SI: variants seen among roughly 807,000 people sequenced by gnomAD.
SI encodes sucrase-isomaltase, intestinal.
A neutral mutation model predicts 253.3 loss-of-function variants in SI; 235 were observed. The ratio of observed to expected loss-of-function variants is 0.93; its 90% CI spans 0.83 to 1.03. SI has a LOEUF of 1.03. Among genes scored for constraint, SI ranks in the 50% least tolerant of loss-of-function variants. SI has a pLI of 0.00. For missense variants in SI, 2,442 were observed against 2,211.1 expected (o/e 1.10, Z -2.09); for synonymous variants, 819 against 712.0 (o/e 1.15, Z -2.39).
At position 165,063,515 on chromosome 3, in the gene SI, T is replaced by A; in HGVS notation, c.834A>T (p.Gln278His). Residue 278 changes from glutamine (Q) to histidine (H), a missense_variant, in exon 8 of 48, where the codon CAA becomes CAT. Coordinates refer to ENST00000264382, the MANE Select transcript of SI (RefSeq NM_001041.4). Reference sequence around the variant, plus strand: ...TATCTTCAATACACATAAAGAATGTTTGATGGCCGTATAAATTATTATTAT... The same window carrying A: ...TATCTTCAATACACATAAAGAATGTATGATGGCCGTATAAATTATTATTAT... ...GDNNNNLYGH[Q>H]TFFMCIEDTS... is the part of the protein sequence containing the mutation. 6.5e-7 allele frequency: 1 copy of A among 1,540,648 alleles called. No homozygotes were observed. The highest frequency in any genetic ancestry group is 8.9e-7 in the Non-Finnish European group (1 of 1,121,472).
intron 3 of SI, among the ~76,000 whole-genome samples, chr3:165,073,879 T>C (rs1032167371): frequency 1.3e-5 from 2 of 152,090 alleles, no homozygotes; most frequent in African/African-American, 4.8e-5. Context: ...GCCATTTTAT[T>C]TGAGAGATTT....
At chr3:165,072,941 T>C (rs188669416) in intron 3 of SI, among the ~76,000 whole-genome samples, 5 of 152,288 alleles carry the variant, frequency 3.3e-5, no homozygotes, top group Admixed American at 2.6e-4. Context: ...GTTGTATTTT[T>C]ATAAATAACA....
chr3:165,034,453 TTTGA>T (rs1252901447), intron 22 of SI, among the ~76,000 whole-genome samples: 1 of 151,932 alleles, frequency 6.6e-6, no homozygotes, highest in South Asian at 2.1e-4. Flanking sequence ...CTCAACATTG[TTTGA>T]TTGATGACTA....
chr3:165,001,102 T>C (rs1374928028), intron 37 of SI, among the ~76,000 whole-genome samples: 1 of 151,322 alleles, frequency 6.6e-6, no homozygotes, highest in South Asian at 2.1e-4. Context: ...ATTTTAGTCA[T>C]AGTTTCTAAA....
chr3:165,053,245 A>G (rs1713522039), intron 13 of SI, among the ~76,000 whole-genome samples: 1 of 152,056 alleles, frequency 6.6e-6, no homozygotes, highest in South Asian at 2.1e-4. Context: ...AATTAAGCTC[A>G]CATCATTTCC....
intron 13 of SI, among the ~76,000 whole-genome samples, chr3:165,053,526 A>C (rs932468989): frequency 1.8e-4 from 28 of 152,134 alleles, no homozygotes; most frequent in Non-Finnish European, 4.0e-4. Context: ...ATATTAGTTC[A>C]CTGATGTTCA....
rs1290802571 is a variant in SI, at chr3:165,046,881, A to T, written c.1847T>A (p.Ile616Lys). The change falls in exon 16 of 48, where the codon ATA becomes AAA. Residue 616 changes from isoleucine (I) to lysine (K), a missense_variant. Ile to Lys is a moderately radical substitution (Grantham distance 102). Transcript: ENST00000264382. The part of the protein sequence containing the change: ...TASWEQMEWS[I>K]TGMLEFSLFG... ...CAAACTGAACTCCAGCATTCCAGTT[A>T]TAGACCATTCCATTTGTTCCCATGA... The T allele has an allele frequency of 6.2e-7, 1 of 1,613,358 alleles. No individual in the cohort carries two copies. Among genetic ancestry groups the T allele is most frequent in the South Asian group, 1.1e-5 (1 of 91,018 alleles).
chr3:165,086,765 T>A, the SI span, among the ~76,000 whole-genome samples: 1 of 152,190 alleles, frequency 6.6e-6, no homozygotes, highest in South Asian at 2.1e-4. Context: ...TTGAAGCAGA[T>A]GGGCATTAAT....
At chr3:165,009,021 G>T (rs1310109290) in intron 35 of SI, among the ~76,000 whole-genome samples, 2 of 151,794 alleles carry the variant, frequency 1.3e-5, no homozygotes, top group African/African-American at 4.8e-5. Context: ...TATTTACAAG[G>T]ATTTATTAAT....
chr3:165,007,011 G>T, intron 36 of SI, 57 bp from the exon 37 acceptor site: 3 of 1,201,368 alleles, frequency 2.5e-6, no homozygotes, highest in Non-Finnish European at 3.6e-6. Context: ...ACAATGAAAC[G>T]TGTAACTCAT....
At chr3:165,031,615 G>A (rs925070273) in intron 24 of SI, among the ~76,000 whole-genome samples, 1 of 149,594 alleles carries the variant, frequency 6.7e-6, no homozygotes, top group Admixed American at 6.7e-5. Flanking sequence ...ACTAATAATT[G>A]AAAAGCCCTG....
At position 165,047,631 on chromosome 3, in the gene SI, A is replaced by G. The variant is rs188076106; in HGVS notation, c.1716-619T>C. ...AATGACTCCAATCATCCTTTATCAA[A>G]TTACATAAACATGGGCATTTGGTAT... On this transcript the variant is annotated intron_variant, in intron 15 of 47. Coordinates refer to ENST00000264382, the MANE Select transcript of SI (RefSeq NM_001041.4). Among the ~76,000 whole-genome samples, 8 of 152,174 alleles carry G rather than the reference A, an allele frequency of 5.3e-5. No homozygotes were observed. The East Asian group carries it at 1.4e-3, about 26-fold the overall frequency.
chr3:165,033,495 G>T, intron 22 of SI, 51 bp from the exon 23 acceptor site: 1 of 1,412,756 alleles, frequency 7.1e-7, no homozygotes, highest in Non-Finnish European at 9.4e-7. Flanking sequence ...TAAATTCTCT[G>T]CTCTGGTTTT....
At chr3:165,033,261 A>T (rs1425842733) in intron 23 of SI, 134 bp downstream of exon 23, 4 of 633,628 alleles carry the variant, frequency 6.3e-6, no homozygotes, top group Non-Finnish European at 9.3e-6. Context: ...ATTTAATTGA[A>T]CAATTTATTT....
upstream of SI, among the ~76,000 whole-genome samples, chr3:165,081,250 T>C (rs1201450892): frequency 6.6e-6 from 1 of 151,962 alleles, no homozygotes; most frequent in East Asian, 1.9e-4. Context: ...CAATTATTAA[T>C]ATAAAGTTGT....
At chr3:165,000,132 T>C (rs1718192890) in intron 37 of SI, among the ~76,000 whole-genome samples, 1 of 151,522 alleles carries the variant, frequency 6.6e-6, no homozygotes, top group East Asian at 1.9e-4. Context: ...AAATTAGTTT[T>C]GTTTAATATA....
chr3:164,982,363 A>C lies in SI; in HGVS notation c.5295T>G (p.Ser1765Arg). 1.2e-6 allele frequency: 2 copies of C among 1,612,644 alleles called. No homozygotes were observed. Among genetic ancestry groups the C allele is most frequent in the Non-Finnish European group, 1.7e-6 (2 of 1,179,010 alleles). Reference sequence around the variant, plus strand: ...CATGAAGGGATCCAAGCCTCGTTTCACTTTTATTTATGTAACCTCTCTTCA... The same window carrying C: ...CATGAAGGGATCCAAGCCTCGTTTCCCTTTTATTTATGTAACCTCTCTTCA... ...TILKRGYINK[S>R]ETRLGSLHVW... Residue 1765 changes from serine to arginine, a missense_variant, in exon 47 of 48, where the codon AGT becomes AGG. Transcript: ENST00000264382.
At chr3:165,020,932 C>T (rs1429990019) in intron 27 of SI, among the ~76,000 whole-genome samples, 3 of 151,556 alleles carry the variant, frequency 2.0e-5, no homozygotes, top group Non-Finnish European at 4.4e-5. Flanking sequence ...CAACACTTAT[C>T]ATGCTTTTTA....
upstream of SI, among the ~76,000 whole-genome samples, chr3:165,082,414 A>G (rs1715366498): frequency 6.6e-6 from 1 of 151,740 alleles, no homozygotes; most frequent in Non-Finnish European, 1.5e-5. Flanking sequence ...AAAACCACCC[A>G]CCTCTCACCA....
Sources: allele counts gnomAD v4.1 joint callset (sites outside exome capture counted in the v4.1 genomes callset), GRCh38; gene constraint gnomAD v4.1.1; transcripts MANE v1.5; gene names NCBI Gene and HGNC (gene_info 2026-07-23, HGNC 2026-07-21).